CDH13: variants seen among roughly 807,000 people sequenced by gnomAD.
The protein encoded by CDH13 is cadherin 13.
CDH13 carries 24 observed loss-of-function variants against 63.8 expected under a neutral mutation model. That is an observed-to-expected ratio of 0.38 (90% confidence interval 0.27 to 0.53). The LOEUF (loss-of-function observed/expected upper bound fraction) is 0.53. CDH13 is among the 20% of genes least tolerant of loss of function. The pLI is 0.85. For synonymous variants in CDH13, 503 were observed against 355.3 expected (o/e 1.42, Z -4.67); for missense variants, 1,049 against 903.1 (o/e 1.16, Z -2.07).
intron 1 of CDH13, among the ~76,000 whole-genome samples, chr16:82,680,221 G>C (rs1914396862): frequency 6.6e-6 from 1 of 152,178 alleles, no homozygotes; most frequent in Non-Finnish European, 1.5e-5. Context: ...GTGGGGCCTG[G>C]TCTAATGAGA....
In CDH13 at chr16:83,018,702, C is replaced by CA. The variant is rs573688400; in HGVS notation, c.158-13305dup. Among the ~76,000 whole-genome samples, 290 of 152,326 alleles carry CA rather than the reference C, an allele frequency of 1.9e-3. 1 individual carries two copies. Among genetic ancestry groups the CA allele is most frequent in the Middle Eastern group, 0.017 (5 of 294 alleles). On this transcript the variant is annotated intron_variant, in intron 2 of 13. Coordinates refer to ENST00000567109, the MANE Select transcript of CDH13 (RefSeq NM_001257.5). ...TGGAACATCACAGAGTAGACTTACA[C>CA]AAACCTAGAGGGTATAGCCTATTAC...
At chr16:83,334,361 T>TCTCTCTCTCACACACA (rs1272779883) in intron 5 of CDH13, among the ~76,000 whole-genome samples, 4 of 85,594 alleles carry the variant, frequency 4.7e-5, no homozygotes, top group African/African-American at 2.0e-4. Context: ...TCTCTCTCTC[T>TCTCTCTCTCACACACA]CACACACACA....
chr16:82,767,609 C>G (rs943329499), intron 1 of CDH13, among the ~76,000 whole-genome samples: 1 of 152,164 alleles, frequency 6.6e-6, no homozygotes, highest in African/African-American at 2.4e-5. Context: ...CAGCATAGTG[C>G]CTTTGTTCAT....
intron 2 of CDH13, among the ~76,000 whole-genome samples, chr16:82,960,174 T>TGA (rs978047009): frequency 6.6e-6 from 1 of 151,696 alleles, no homozygotes; most frequent in East Asian, 1.9e-4. Context: ...AGGTGAGAGG[T>TGA]GAGAGAGAGA....
chr16:83,102,187 T>G (rs72798340), intron 3 of CDH13, among the ~76,000 whole-genome samples: 1 of 152,188 alleles, frequency 6.6e-6, no homozygotes, highest in South Asian at 2.1e-4. Flanking sequence ...GGTGTACATC[T>G]TCCAGAAGGA....
At chr16:82,866,377 CTTTTTTT>C (rs538206338) in intron 2 of CDH13, among the ~76,000 whole-genome samples, 30 of 58,318 alleles carry the variant, frequency 5.1e-4, no homozygotes, top group East Asian at 4.3e-3. Context: ...TTTTCTTCTT[CTTTTTTT>C]TTTTTTTTTT....
At chr16:83,697,405 C>T (rs1321068354) in intron 10 of CDH13, among the ~76,000 whole-genome samples, 2 of 152,206 alleles carry the variant, frequency 1.3e-5, no homozygotes, top group African/African-American at 4.8e-5. Context: ...TGCGGAAGTG[C>T]TGTCCAGCGT....
chr16:82,846,550 A>G (rs1381500), intron 1 of CDH13, among the ~76,000 whole-genome samples: 97,505 of 151,952 alleles, frequency 0.64, 31,873 homozygotes, highest in East Asian at 0.87. Context: ...TAACTTGCTC[A>G]GGGTCACATA....
intron 7 of CDH13, among the ~76,000 whole-genome samples, chr16:83,526,813 T>G (rs1005347434): frequency 3.3e-5 from 5 of 152,158 alleles, no homozygotes; most frequent in African/African-American, 1.2e-4. Flanking sequence ...TCCCAGTAAT[T>G]GTCTTGAAGC....
At chr16:83,183,395 A>C (rs953758744) in intron 4 of CDH13, among the ~76,000 whole-genome samples, 8 of 152,204 alleles carry the variant, frequency 5.3e-5, no homozygotes, top group Non-Finnish European at 1.2e-4. Context: ...CACGACGTGA[A>C]GCCATGGATT....
At chr16:83,217,826 G>T (rs1172087727) in intron 5 of CDH13, among the ~76,000 whole-genome samples, 1 of 152,166 alleles carries the variant, frequency 6.6e-6, no homozygotes, top group African/African-American at 2.4e-5. Context: ...TCTAGAGCTG[G>T]AAGAGGTATA....
chr16:83,342,575 A>C (rs1256025398), intron 5 of CDH13, among the ~76,000 whole-genome samples: 2 of 152,170 alleles, frequency 1.3e-5, no homozygotes, highest in African/African-American at 4.8e-5. Flanking sequence ...CTGTTTGCAT[A>C]ATTGGTTTTC....
chr16:82,805,679 C>A (rs781191075), intron 1 of CDH13, among the ~76,000 whole-genome samples: 24 of 152,134 alleles, frequency 1.6e-4, no homozygotes, highest in Non-Finnish European at 3.4e-4. Flanking sequence ...GTGTGGGTGT[C>A]TGATTTAGAA....
intron 1 of CDH13, among the ~76,000 whole-genome samples, chr16:82,660,455 C>G (rs938194072): frequency 2.0e-5 from 3 of 152,074 alleles, no homozygotes; most frequent in African/African-American, 4.8e-5. Flanking sequence ...CGGGGAAACC[C>G]AAGAGGGAGC....
chr16:83,086,486 G>A (rs56147248), intron 3 of CDH13, among the ~76,000 whole-genome samples: 65,983 of 151,662 alleles, frequency 0.44, 15,232 homozygotes, highest in East Asian at 0.68. Context: ...AGCTGTTTCT[G>A]TCCCAGATCC....
chr16:83,571,721 T>C (rs150344923), intron 7 of CDH13, among the ~76,000 whole-genome samples: 2 of 152,320 alleles, frequency 1.3e-5, no homozygotes, highest in East Asian at 3.9e-4. Context: ...TCAACTGTAA[T>C]TCACCCCTCA....
chr16:83,787,504 C>T (rs1369918181), intron 13 of CDH13, among the ~76,000 whole-genome samples: 2 of 152,174 alleles, frequency 1.3e-5, no homozygotes, highest in Non-Finnish European at 2.9e-5. Context: ...ATTCCCTTAT[C>T]AGCAGACACA....
chr16:83,028,670 A>C (rs1312677274), intron 2 of CDH13, among the ~76,000 whole-genome samples: 1 of 152,238 alleles, frequency 6.6e-6, no homozygotes, highest in Non-Finnish European at 1.5e-5. Context: ...GCACAGTAAA[A>C]TATTAACAAC....
At chr16:83,194,545 C>T (rs74775035) in intron 4 of CDH13, among the ~76,000 whole-genome samples, 9,136 of 152,258 alleles carry the variant, frequency 0.06, 449 homozygotes, top group African/African-American at 0.14. Context: ...CATTCAGGGC[C>T]ATCTCCTGTA....
Sources: allele counts gnomAD v4.1 joint callset (sites outside exome capture counted in the v4.1 genomes callset), GRCh38; gene constraint gnomAD v4.1.1; transcripts MANE v1.5; gene names NCBI Gene and HGNC (gene_info 2026-07-23, HGNC 2026-07-21).